The following ADA2 variants were observed in gnomAD, a reference collection of about 807,000 sequenced individuals.
ADA2 encodes adenosine deaminase 2.
ADA2 carries 29 observed loss-of-function variants against 44.2 expected under a neutral mutation model. The ratio of observed to expected loss-of-function variants is 0.66; its 90% CI spans 0.49 to 0.89. The LOEUF is 0.89. ADA2 is among the 40% of genes least tolerant of loss of function. ADA2 has a pLI of 0.00. For missense variants in ADA2, 637 were observed against 644.8 expected (o/e 0.99, Z 0.13); for synonymous variants, 215 against 234.9 (o/e 0.92, Z 0.77).
intron 3 of ADA2, among the ~76,000 whole-genome samples, chr22:17,204,906 T>C (rs2062336853): frequency 6.6e-6 from 1 of 151,866 alleles, no homozygotes; most frequent in Non-Finnish European, 1.5e-5. Context: ...GCAATCCTCT[T>C]ATGTCAGCCC....
intron 4 of ADA2, among the ~76,000 whole-genome samples, chr22:17,202,508 C>A (rs1346426946): frequency 6.6e-6 from 1 of 152,112 alleles, no homozygotes; most frequent in Non-Finnish European, 1.5e-5. Context: ...CTCAAGTGAT[C>A]CACCAGCCTT....
chr22:17,188,235 G>T, intron 7 of ADA2, 104 bp downstream of exon 7: 1 of 720,920 alleles, frequency 1.4e-6, no homozygotes, highest in Non-Finnish European at 2.4e-6. Context: ...ACAGGAAAGG[G>T]CTCTGGAAAC....
At chr22:17,205,724 G>A (rs1479071981) in intron 3 of ADA2, among the ~76,000 whole-genome samples, 1 of 152,188 alleles carries the variant, frequency 6.6e-6, no homozygotes, top group Non-Finnish European at 1.5e-5. Flanking sequence ...CATGCCTGTA[G>A]TCCTAGCACT....
chr22:17,188,090 AAAGAAG>A (rs918926357), intron 7 of ADA2, among the ~76,000 whole-genome samples: 1 of 102,312 alleles, frequency 9.8e-6, no homozygotes, highest in Admixed American at 1.2e-4. Flanking sequence ...AAAGAAAAAA[AAAGAAG>A]AAGAAGAAAA....
intron 1 of ADA2, among the ~76,000 whole-genome samples, chr22:17,217,617 CG>C (rs1376808334): frequency 1.3e-5 from 2 of 152,046 alleles, no homozygotes; most frequent in Non-Finnish European, 2.9e-5. Context: ...CCCAGGAGTT[CG>C]ATACCAGCCT....
chr22:17,185,600 C>T (rs2062027288), intron 7 of ADA2, among the ~76,000 whole-genome samples: 1 of 152,102 alleles, frequency 6.6e-6, no homozygotes, highest in African/African-American at 2.4e-5. Flanking sequence ...GTATGATTTT[C>T]CCCAACCAGA....
Position 17,182,594 on chromosome 22 carries a change from T to G in ADA2, c.1239+10A>C, listed in dbSNP as rs772137894. On this transcript the variant is annotated intron_variant, in intron 8 of 9. Transcript: ENST00000399837. ...GATCATATGGGATTAGCCACATGGGTCACACATACCTGGTTAGAGATGGGA... is the reference window on the plus strand; with the variant it reads ...GATCATATGGGATTAGCCACATGGGGCACACATACCTGGTTAGAGATGGGA... The G allele has an allele frequency of 5.0e-6, 8 of 1,613,994 alleles. No homozygotes were observed. The highest frequency in any genetic ancestry group is 6.8e-6 in the Non-Finnish European group (8 of 1,179,894).
intron 1 of ADA2, chr22:17,209,944 A>G (rs2062400770): frequency 4.9e-6 from 2 of 410,310 alleles, no homozygotes; most frequent in Non-Finnish European, 8.6e-6. Flanking sequence ...AGGCTGGAGC[A>G]CGGTGGTGCA....
chr22:17,189,087 T>G (rs1285255819), intron 6 of ADA2, among the ~76,000 whole-genome samples: 1 of 144,920 alleles, frequency 6.9e-6, no homozygotes, highest in African/African-American at 2.5e-5. Flanking sequence ...TGGTGCAATC[T>G]CAGCTCACTG....
At chr22:17,191,904 A>G (rs970133456) in intron 4 of ADA2, 94 bp from the exon 5 acceptor site, 10 of 1,217,944 alleles carry the variant, frequency 8.2e-6, no homozygotes, top group African/African-American at 6.9e-5. Context: ...CTGGCCAGCC[A>G]CCCCTGCCCA....
chr22:17,192,444 C>T (rs116658980), intron 4 of ADA2, among the ~76,000 whole-genome samples: 7,124 of 152,146 alleles, frequency 0.047, 565 homozygotes, highest in African/African-American at 0.16. Context: ...AGCTGCAAGG[C>T]GGCCACTGCC....
rs1239054063 is a variant in ADA2, at chr22:17,203,598, C to T, written c.718G>A (p.Val240Met). 1.9e-6 allele frequency: 3 copies of T among 1,613,100 alleles called. No homozygotes were observed. Among genetic ancestry groups the T allele is most frequent in the East Asian group, 2.2e-5 (1 of 44,880 alleles). The change falls in exon 4 of 10, where the codon GTG becomes ATG. Residue 240 changes from valine to methionine, a missense_variant. Transcript: ENST00000399837. ...RSMQEFYEDN[V>M]LYMEIRARLL... ...CTGGCTCTGATCTCCATGTAGAGCA[C>T]GTTGTCCTCGTAGAACTCCTGCATG...
At chr22:17,195,020 A>G (rs1365287962) in intron 4 of ADA2, among the ~76,000 whole-genome samples, 2 of 152,018 alleles carry the variant, frequency 1.3e-5, no homozygotes, top group Admixed American at 1.3e-4. Flanking sequence ...CCAGCCTTAT[A>G]AAATTGCCCT....
At chr22:17,214,220 G>A in intron 1 of ADA2, 1 of 499,274 alleles carries the variant, frequency 2.0e-6, no homozygotes, top group Non-Finnish European at 3.8e-6. Flanking sequence ...GGGGTTGTGT[G>A]TGTTTCCTTT....
At chr22:17,211,099 C>T (rs1483400101) in intron 1 of ADA2, among the ~76,000 whole-genome samples, 3 of 152,138 alleles carry the variant, frequency 2.0e-5, no homozygotes, top group East Asian at 1.9e-4. Flanking sequence ...CGGTGGCTCA[C>T]GCCTGTAATC....
At chr22:17,183,940 C>T (rs2062004139) in intron 7 of ADA2, among the ~76,000 whole-genome samples, 1 of 149,786 alleles carries the variant, frequency 6.7e-6, no homozygotes, top group African/African-American at 2.5e-5. Context: ...CCCCTGCCAT[C>T]CCCATCACAC....
chr22:17,216,396 TTAGA>T (rs2062471893), intron 1 of ADA2, among the ~76,000 whole-genome samples: 1 of 150,672 alleles, frequency 6.6e-6, no homozygotes. Flanking sequence ...AAACCTACAG[TTAGA>T]TAGAAGAAAT....
chr22:17,216,994 C>G (rs1332826551), intron 1 of ADA2, among the ~76,000 whole-genome samples: 2 of 151,636 alleles, frequency 1.3e-5, no homozygotes, highest in African/African-American at 2.4e-5. Context: ...TAATTAACAT[C>G]CTTAAAGACA....
intron 4 of ADA2, chr22:17,193,193 C>T: frequency 1.5e-6 from 2 of 1,292,498 alleles, no homozygotes; most frequent in Non-Finnish European, 2.2e-6. Flanking sequence ...TCTCCCTGTG[C>T]TGACATCGCT....
Sources: gnomAD v4.1 joint callset for allele counts (sites outside exome capture counted in the v4.1 genomes callset) on GRCh38, gnomAD v4.1.1 for gene constraint, MANE v1.5 for transcripts, NCBI Gene and HGNC (gene_info 2026-07-23, HGNC 2026-07-21) for gene names.